SSBP3: variants seen among roughly 807,000 people sequenced by gnomAD.
The protein encoded by SSBP3 is single-stranded DNA-binding protein 3.
In SSBP3, 5 loss-of-function variants were observed where a neutral mutation model predicts 69.6. That is an observed-to-expected ratio of 0.07 (90% confidence interval 0.04 to 0.15). SSBP3 has a LOEUF of 0.15. Ranked by LOEUF, SSBP3 falls within the 10% of genes least tolerant of loss-of-function variation. SSBP3 has a pLI of 1.00. For missense variants in SSBP3, 312 were observed against 534.0 expected (o/e 0.58, Z 4.10); for synonymous variants, 196 against 193.4 (o/e 1.01, Z -0.11).
intron 13 of SSBP3, among the ~76,000 whole-genome samples, chr1:54,239,702 G>A (rs979873099): frequency 1.3e-5 from 2 of 152,238 alleles, no homozygotes; most frequent in African/African-American, 4.8e-5. Flanking sequence ...ATGTGGCCCA[G>A]TCGGAATGTA....
chr1:54,231,843 C>A (rs566515485), intron 14 of SSBP3, among the ~76,000 whole-genome samples: 1 of 151,974 alleles, frequency 6.6e-6, no homozygotes, highest in African/African-American at 2.4e-5. Context: ...TACAGGTGCG[C>A]GCCACCACAC....
chr1:54,334,712 T>C (rs867148462), intron 4 of SSBP3, among the ~76,000 whole-genome samples: 1 of 152,216 alleles, frequency 6.6e-6, no homozygotes, highest in East Asian at 1.9e-4. Flanking sequence ...TTATTAACAA[T>C]AACAACATCA....
At chr1:54,275,256 C>T (rs1645263491) in intron 5 of SSBP3, among the ~76,000 whole-genome samples, 1 of 152,234 alleles carries the variant, frequency 6.6e-6, no homozygotes, top group Admixed American at 6.5e-5. Flanking sequence ...CCTTGCCCTG[C>T]CTTCACTTCA....
chr1:54,334,807 G>A (rs547771025), intron 4 of SSBP3, among the ~76,000 whole-genome samples: 6 of 152,286 alleles, frequency 3.9e-5, no homozygotes, highest in South Asian at 4.1e-4. Context: ...ACACAGAGCC[G>A]ACTGGCAGCT....
chr1:54,240,102 G>A (rs919589765), intron 13 of SSBP3, among the ~76,000 whole-genome samples: 170 of 6,020 alleles, frequency 0.028, 7 homozygotes, highest in African/African-American at 0.11. Flanking sequence ...GCGCGCGCGT[G>A]TGCGTGCGCG....
At chr1:54,409,817 G>A (rs996899528), upstream of SSBP3, among the ~76,000 whole-genome samples, 3 of 151,528 alleles carry the variant, frequency 2.0e-5, no homozygotes, top group African/African-American at 4.9e-5. Context: ...TATACCATAC[G>A]CTGTTCTAGG....
intron 9 of SSBP3, 34 bp downstream of exon 9, chr1:54,251,582 C>A: frequency 1.3e-6 from 2 of 1,548,568 alleles, no homozygotes; most frequent in Non-Finnish European, 1.7e-6. Context: ...CACAGATGGC[C>A]AGGGAGACGG....
chr1:54,247,493 C>T (rs190901613), intron 9 of SSBP3, among the ~76,000 whole-genome samples: 3 of 152,236 alleles, frequency 2.0e-5, no homozygotes, highest in Admixed American at 2.0e-4. Context: ...GATTAATGAC[C>T]CACCCATCTC....
chr1:54,272,258 C>G (rs1172524863), intron 5 of SSBP3, among the ~76,000 whole-genome samples: 1 of 152,048 alleles, frequency 6.6e-6, no homozygotes, highest in Non-Finnish European at 1.5e-5. Context: ...AGAACAGTGC[C>G]TCACACTGAG....
chr1:54,354,369 T>C (rs996010238), intron 4 of SSBP3, among the ~76,000 whole-genome samples: 2 of 152,076 alleles, frequency 1.3e-5, no homozygotes, highest in African/African-American at 2.4e-5. Flanking sequence ...CATAAGCCAA[T>C]GCTGGGACCC....
intron 8 of SSBP3, 49 bp from the exon 9 acceptor site, chr1:54,251,741 A>G (rs748103517): frequency 6.3e-7 from 1 of 1,589,572 alleles, no homozygotes; most frequent in East Asian, 2.3e-5. Context: ...TGGAGGGAGG[A>G]GGAGCCCCTC....
At position 54,242,268 on chromosome 1, in the gene SSBP3, G is replaced by A. The variant is rs550526293; in HGVS notation, c.717-56C>T. On this transcript the variant is annotated intron_variant, in intron 10 of 17. Coordinates refer to ENST00000610401, the Ensembl canonical transcript of SSBP3. ...GAAAAAGGCGCTGTAAACTCCAAGC[G>A]GTGGAGGCAGCAGGGGCAGAAGGAA... 5.1e-5 allele frequency: 82 copies of A among 1,600,844 alleles called. No individual in the cohort carries two copies. The African/African-American group carries it at 6.0e-4, about 12-fold the overall frequency.
chr1:54,336,514 GC>G lies in SSBP3; in HGVS notation c.277-54988del, dbSNP rs1646509913. On this transcript the variant is annotated intron_variant, in intron 4 of 17. Coordinates refer to ENST00000610401, the Ensembl canonical transcript of SSBP3. ...GCCAGCACTGTCCAGAGCCTCCCAA[GC>G]CCACGGAGCCAATGGGCTCCAAGCA... Among the ~76,000 whole-genome samples the G allele has an allele frequency of 1.3e-5, 2 of 152,108 alleles. 1 individual carries two copies. The highest frequency in any genetic ancestry group is 2.9e-5 in the Non-Finnish European group (2 of 68,018).
chr1:54,250,510 C>G (rs576521351), intron 9 of SSBP3, among the ~76,000 whole-genome samples: 1 of 146,164 alleles, frequency 6.8e-6, no homozygotes, highest in Non-Finnish European at 1.5e-5. Context: ...AGACGCCTCT[C>G]CCTACAAAAG....
chr1:54,237,899 C>T (rs367802949), intron 14 of SSBP3: 15 of 348,334 alleles, frequency 4.3e-5, no homozygotes, highest in East Asian at 2.3e-4. Flanking sequence ...CCAGCATCCA[C>T]GTCAGGCAAC....
At chr1:54,246,205 G>A (rs1440145999) in intron 9 of SSBP3, among the ~76,000 whole-genome samples, 3 of 152,190 alleles carry the variant, frequency 2.0e-5, no homozygotes, top group Non-Finnish European at 4.4e-5. Flanking sequence ...GATTTGGGAC[G>A]TCAGCAGCAG....
intron 4 of SSBP3, among the ~76,000 whole-genome samples, chr1:54,298,074 G>A (rs1461735108): frequency 6.6e-6 from 1 of 152,176 alleles, no homozygotes; most frequent in East Asian, 1.9e-4. Flanking sequence ...GAGGCCTGCA[G>A]GAAGCCTCCG....
intron 5 of SSBP3, among the ~76,000 whole-genome samples, chr1:54,265,311 G>A (rs903651806): frequency 2.0e-5 from 3 of 151,948 alleles, no homozygotes; most frequent in Admixed American, 1.3e-4. Flanking sequence ...GAAGGGTGTG[G>A]GTGTGTGTGT....
chr1:54,236,441 T>C (rs1301963779), intron 14 of SSBP3: 1 of 152,218 alleles, frequency 6.6e-6, no homozygotes, highest in Non-Finnish European at 1.5e-5. Flanking sequence ...TTATTTTTAT[T>C]TTTTTGTTGC....
Sources: allele counts gnomAD v4.1 joint callset (sites outside exome capture counted in the v4.1 genomes callset), GRCh38; gene constraint gnomAD v4.1.1; transcripts MANE v1.5; gene names NCBI Gene and HGNC (gene_info 2026-07-23, HGNC 2026-07-21).